PPIE: variants seen among roughly 807,000 people sequenced by gnomAD.
PPIE encodes the protein peptidylprolyl isomerase E.
Under a neutral mutation model 38.4 loss-of-function variants are expected in PPIE, and 20 were observed. The ratio of observed to expected loss-of-function variants is 0.52; its 90% confidence interval spans 0.37 to 0.76. PPIE has a LOEUF of 0.76. Ranked by LOEUF, PPIE falls within the 30% of genes least tolerant of loss-of-function variation. The probability of loss-of-function intolerance (pLI) is 0.00; values close to 1 mark genes in which losing one functional copy is unlikely to be tolerated. For synonymous variants in PPIE, 142 were observed against 135.7 expected (o/e 1.05, Z -0.32); for missense variants, 322 against 385.8 (o/e 0.83, Z 1.39).
downstream of PPIE, chr1:39,761,137 C>T (rs1648905721): frequency 6.5e-6 from 1 of 154,630 alleles, no homozygotes; most frequent in African/African-American, 2.4e-5. Context: ...GCTTGGACCT[C>T]TCTTCTGAAC....
chr1:39,742,917 T>A (rs1647098166), intron 4 of PPIE: 1 of 234,038 alleles, frequency 4.3e-6, no homozygotes, highest in Non-Finnish European at 8.3e-6. Context: ...TCAAAGCTTA[T>A]CTTGACTTTT....
Position 39,756,363 on chromosome 1 carries a change from C to G in PPIE, c.*3008C>G. On this transcript the variant is annotated 3_prime_UTR_variant, in exon 10 of 10. Transcript: ENST00000324379. ...GGCTTCCTTTTGCTGATTCATTTCC[C>G]CCCTAACTCATTCAGAGTTGAGCCC... 1.0e-6 allele frequency: 1 copy of G among 985,434 alleles called. No homozygotes were observed. Among genetic ancestry groups the G allele is most frequent in the African/African-American group, 1.7e-5 (1 of 57,360 alleles). The allele number at this position is 985,434 out of a possible 1,614,324, so 61.0% of individuals were successfully genotyped here.
At chr1:39,752,881 G>T in intron 8 of PPIE, 29 bp from the exon 9 acceptor site, 1 of 1,602,216 alleles carries the variant, frequency 6.2e-7, no homozygotes, top group Non-Finnish European at 8.5e-7. Flanking sequence ...GCCAGGGTTC[G>T]GGGAGCTGAT....
At chr1:39,758,063 G>A (rs934304870), downstream of PPIE, 1 of 152,144 alleles carries the variant, frequency 6.6e-6, no homozygotes, top group Non-Finnish European at 1.5e-5. Flanking sequence ...GACATTCTTG[G>A]TGCACCCCTA....
At position 39,753,072 on chromosome 1, in the gene PPIE, C is replaced by G; in HGVS notation, c.837+20C>G. The G allele has an allele frequency of 6.2e-7, 1 of 1,613,850 alleles. No individual in the cohort carries two copies. The highest frequency in any genetic ancestry group is 8.5e-7 in the Non-Finnish European group (1 of 1,179,958). On this transcript the variant is annotated intron_variant, in intron 9 of 9. Coordinates refer to ENST00000324379, the MANE Select transcript of PPIE (RefSeq NM_006112.4). ...ATTGAGGTATGTGGCCAGGAATGGG[C>G]CTCCTCCTTACCCAGGCCCTAGGAG...
chr1:39,743,305 G>A lies in PPIE; in HGVS notation c.283+8G>A. On this transcript the variant is annotated splice_region_variant and intron_variant, in intron 5 of 9. Transcript: ENST00000324379. Reference sequence around the variant, plus strand: ...AAGGCTCTTCCAGGCCAGGTGAGTAGGAGCAACTTCCAGATTCCCTGTGAT... The same window carrying A: ...AAGGCTCTTCCAGGCCAGGTGAGTAAGAGCAACTTCCAGATTCCCTGTGAT... The A allele has an allele frequency of 1.2e-6, 2 of 1,612,864 alleles. No individual in the cohort carries two copies. Among genetic ancestry groups the A allele is most frequent in the South Asian group, 2.2e-5 (2 of 91,042 alleles).
intron 1 of PPIE, chr1:39,739,351 G>A (rs76571594): frequency 0.067 from 11,811 of 177,250 alleles, 480 homozygotes; most frequent in Middle Eastern, 0.14. Context: ...GAGCTCCAGC[G>A]GGCCCCGAGG....
At chr1:39,741,782 A>G in intron 3 of PPIE, 113 bp from the exon 4 acceptor site, 1 of 1,204,698 alleles carries the variant, frequency 8.3e-7, no homozygotes, top group Non-Finnish European at 1.2e-6. Flanking sequence ...AAACCTAGGC[A>G]AGAAATACAG....
rs1648212366 is a variant in PPIE at position 39,755,872 on chromosome 1, A to AG, written c.*2520dup. 1.0e-6 allele frequency: 1 copy of AG among 985,354 alleles called. No homozygotes were observed. Among genetic ancestry groups the AG allele is most frequent in the Non-Finnish European group, 1.2e-6 (1 of 829,832 alleles). The allele number at this position is 985,354 out of a possible 1,614,324, so 61.0% of individuals were successfully genotyped here. On this transcript the variant is annotated 3_prime_UTR_variant, in exon 10 of 10. Coordinates refer to ENST00000324379, the MANE Select transcript of PPIE (RefSeq NM_006112.4). ...TTGGCGTGACTGCCAAAGGTCACAC[A>AG]GGGTGGTTTGGCAGAGCTGGGATTA...
intron 6 of PPIE, 127 bp from the exon 7 acceptor site, chr1:39,745,248 C>G: frequency 4.6e-6 from 6 of 1,316,926 alleles, no homozygotes; most frequent in Non-Finnish European, 5.3e-6. Context: ...GGCCCAAGGC[C>G]TTCCCCGTCA....
chr1:39,741,559 C>A, intron 3 of PPIE, 150 bp downstream of exon 3: 1 of 811,560 alleles, frequency 1.2e-6, no homozygotes, highest in Non-Finnish European at 2.0e-6. Context: ...AGGAAAGCGT[C>A]TCTCACATAA....
At chr1:39,740,507 A>G (rs994622820) in intron 2 of PPIE, among the ~76,000 whole-genome samples, 6 of 152,184 alleles carry the variant, frequency 3.9e-5, no homozygotes, top group South Asian at 2.1e-4. Flanking sequence ...AGATTTTTCA[A>G]TAGACCAGTA....
chr1:39,740,348 C>T (rs920433031), intron 2 of PPIE, 85 bp downstream of exon 2: 9 of 1,069,230 alleles, frequency 8.4e-6, no homozygotes, highest in Admixed American at 2.0e-5. Context: ...TCTAAATATG[C>T]ATTCTAAATA....
At chr1:39,763,843 C>T (rs1193821575) in exon 10 of PPIE, 2 of 1,572,668 alleles carry the variant, frequency 1.3e-6, no homozygotes. Flanking sequence ...CTGTGTGCAG[C>T]TACTATGGGG....
chr1:39,743,114 A>G (rs1647102680), intron 4 of PPIE, 102 bp from the exon 5 acceptor site: 5 of 1,032,080 alleles, frequency 4.8e-6, no homozygotes, highest in Non-Finnish European at 7.4e-6. Flanking sequence ...CCAGGGATTA[A>G]GGGAGGACAA....
chr1:39,743,865 A>T lies in PPIE; in HGVS notation c.325A>T (p.Thr109Ser). The change falls in exon 6 of 10, where the codon ACG becomes TCG. Residue 109 changes from threonine to serine, a missense_variant. Coordinates refer to ENST00000324379, the MANE Select transcript of PPIE (RefSeq NM_006112.4). Reference protein sequence around the residue: ...DDWLKKFSGKTLEENKEEEGS... With the variant: ...DDWLKKFSGKSLEENKEEEGS... ...CTGGTTGAAGAAGTTTTCTGGGAAG[A>T]CGCTTGAAGAGAATAAAGAGGAAGA... 6.2e-7 allele frequency: 1 copy of T among 1,613,966 alleles called. No homozygotes were observed. Among genetic ancestry groups the T allele is most frequent in the East Asian group, 2.2e-5 (1 of 44,874 alleles).
downstream of PPIE, chr1:39,759,094 G>C (rs1010037023): frequency 6.6e-6 from 1 of 152,272 alleles, no homozygotes; most frequent in Non-Finnish European, 1.5e-5. Context: ...TAAATTACAG[G>C]CTTAGCAAGT....
At chr1:39,740,400 T>A in intron 2 of PPIE, 137 bp downstream of exon 2, 1 of 649,828 alleles carries the variant, frequency 1.5e-6, no homozygotes, top group South Asian at 2.0e-5. Flanking sequence ...AGGTGTCTGG[T>A]GACAGTGATC....
In PPIE at chr1:39,743,201, T is replaced by G; in HGVS notation, c.202-15T>G. ...CCTAAGAGAGTTTAAGCAGCTGGATTTTCAATCTTTTCAGAATGAATCTGA... is the reference window on the plus strand; with the variant it reads ...CCTAAGAGAGTTTAAGCAGCTGGATGTTCAATCTTTTCAGAATGAATCTGA... On this transcript the variant is annotated splice_polypyrimidine_tract_variant and intron_variant, in intron 4 of 9. Coordinates refer to ENST00000324379, the MANE Select transcript of PPIE (RefSeq NM_006112.4). The G allele has an allele frequency of 1.9e-6, 3 of 1,612,302 alleles. No individual in the cohort carries two copies. Among genetic ancestry groups the G allele is most frequent in the Non-Finnish European group, 2.5e-6 (3 of 1,178,330 alleles).
Sources: allele counts gnomAD v4.1 joint callset (sites outside exome capture counted in the v4.1 genomes callset), GRCh38; gene constraint gnomAD v4.1.1; transcripts MANE v1.5; gene names NCBI Gene and HGNC (gene_info 2026-07-23, HGNC 2026-07-21).